Variants in LLGL1 observed in about 807,000 individuals in gnomAD.
LLGL1 encodes LLGL scribble cell polarity complex component 1.
In LLGL1, 58 loss-of-function variants were observed where a neutral mutation model predicts 110.6. The observed-to-expected ratio is 0.52, with a 90% CI of 0.42 to 0.65. LLGL1 has a LOEUF of 0.65. Among genes scored for constraint, LLGL1 ranks in the 30% least tolerant of loss-of-function variants. The pLI is 0.00. For missense variants in LLGL1, 1,229 were observed against 1,462.1 expected, an observed-to-expected ratio of 0.84 and a Z score of 2.60; for synonymous variants, 674 against 607.2, an observed-to-expected ratio of 1.11 and a Z score of -1.62.
At chr17:18,230,826 C>T (rs1173624339) in intron 2 of LLGL1, among the ~76,000 whole-genome samples, 11 of 152,090 alleles carry the variant, frequency 7.2e-5, no homozygotes, top group African/African-American at 2.7e-4. Context: ...GTCTCCTCAC[C>T]CCAGGACTGG....
chr17:18,230,094 C>T (rs996078565), intron 2 of LLGL1, 56 bp downstream of exon 2: 6 of 1,358,268 alleles, frequency 4.4e-6, no homozygotes, highest in African/African-American at 1.4e-5. Context: ...GCCTGTAGTT[C>T]CCTGTGCTCT....
At chr17:18,238,959 C>T (rs547232147) in intron 16 of LLGL1, among the ~76,000 whole-genome samples, 5 of 151,954 alleles carry the variant, frequency 3.3e-5, no homozygotes, top group Non-Finnish European at 5.9e-5. Flanking sequence ...TGCAGTGAGC[C>T]GAGATCGTAC....
rs750530539 is a variant in LLGL1, at chr17:18,234,956, C to T, written c.1023C>T (p.Ile341=). Residue 341 remains isoleucine, a synonymous_variant, in exon 9 of 23, where the codon ATC becomes ATT. Coordinates refer to ENST00000316843, the MANE Select transcript of LLGL1 (RefSeq NM_004140.4). ...LVTLDFTSRI[I]DFFTVHSTRP... ...CGCTGGACTTCACTTCCCGCATCAT[C>T]GACTTCTTCACAGTGCACAGCACAC... is the stretch of plus-strand genomic sequence containing the variant. 14 of 1,613,968 alleles carry T rather than the reference C, an allele frequency of 8.7e-6. No homozygotes were observed. The East Asian group carries it at 2.2e-4, about 26-fold the overall frequency.
chr17:18,236,671 C>T lies in LLGL1; in HGVS notation c.1417C>T (p.Leu473=), dbSNP rs1211271864. ...TGTGGCGCTGCGGCCGCTCTATAAG[C>T]TGAGCACAGCTGGCCTCTTCCAGAC... is the stretch of plus-strand genomic sequence containing the variant. ...SGVALRPLYK[L]STAGLFQTDC... Residue 473 remains leucine (L), a synonymous_variant, in exon 12 of 23, where the codon CTG becomes TTG. Coordinates refer to ENST00000316843, the MANE Select transcript of LLGL1 (RefSeq NM_004140.4). 1 of 1,612,898 alleles carries T rather than the reference C, an allele frequency of 6.2e-7. No individual in the cohort carries two copies. The highest frequency in any genetic ancestry group is 1.3e-5 in the African/African-American group (1 of 75,032).
At position 18,238,881 on chromosome 17, in the gene LLGL1, G is replaced by T. The variant is rs957392018; in HGVS notation, c.2206+272G>T. On this transcript the variant is annotated intron_variant, in intron 16 of 22. Transcript: ENST00000316843. Reference sequence around the variant, plus strand: ...CAAAAATTAGCCAGGTGTGGTGGCGGGCGCCTGTAATCCCAGCTACTTGGG... The same window carrying T: ...CAAAAATTAGCCAGGTGTGGTGGCGTGCGCCTGTAATCCCAGCTACTTGGG... Among the ~76,000 whole-genome samples the T allele has an allele frequency of 2.6e-5, 4 of 152,210 alleles. No homozygotes were observed. The South Asian group carries it at 8.3e-4, about 32-fold the overall frequency.
chr17:18,237,519 G>A lies in LLGL1; in HGVS notation c.1650G>A (p.Gln550=). The A allele has an allele frequency of 1.3e-6, 2 of 1,599,012 alleles. No individual in the cohort carries two copies. The highest frequency in any genetic ancestry group is 1.7e-6 in the Non-Finnish European group (2 of 1,170,532). ...VLELSDVPVE[Q]AVSVAIIDLL... ...AGCTTAGTGATGTGCCGGTGGAGCA[G>A]GCGGTCAGCGTGGCCATCATAGACC... is the stretch of plus-strand genomic sequence containing the variant. Residue 550 remains glutamine, a synonymous_variant, in exon 14 of 23, where the codon CAG becomes CAA. Coordinates refer to ENST00000316843, the MANE Select transcript of LLGL1 (RefSeq NM_004140.4).
chr17:18,237,287 T>C (rs1341255418), intron 13 of LLGL1, 194 bp from the exon 14 acceptor site: 3 of 623,288 alleles, frequency 4.8e-6, no homozygotes, highest in Non-Finnish European at 8.3e-6. Context: ...TGGTCACCAC[T>C]GTGTTCCTTG....
Position 18,242,232 on chromosome 17 carries a change from A to G in LLGL1, c.2949A>G (p.Pro983=), listed in dbSNP as rs1391774198. 1 of 1,614,094 alleles carries G rather than the reference A, an allele frequency of 6.2e-7. No homozygotes were observed. ...GGACCCCAAGCATCCTGCTGGCCCC[A>G]CAGAGCCTTGATGGAAGCCCTGATC... The part of the protein sequence containing the change: ...ANGTPSILLA[P]QSLDGSPDPA... Residue 983 remains proline, a synonymous_variant, in exon 20 of 23, where the codon CCA becomes CCG. Coordinates refer to ENST00000316843, the MANE Select transcript of LLGL1 (RefSeq NM_004140.4).
chr17:18,238,373 T>G (rs1431861618), intron 15 of LLGL1, 83 bp from the exon 16 acceptor site: 7 of 1,567,106 alleles, frequency 4.5e-6, no homozygotes, highest in Non-Finnish European at 6.1e-6. Context: ...GGTAGAGGAA[T>G]GGTAACAGAA....
chr17:18,240,548 A>G lies in LLGL1; in HGVS notation c.2207-30A>G. The stretch of plus-strand genomic sequence containing the variant: ...CAGGGGAGATGCCTGGCCCACAGGG[A>G]GCACCCTCCTACGCGCTTGTTTTCT... On this transcript the variant is annotated intron_variant, in intron 16 of 22. Transcript: ENST00000316843. The surrounding 1 kb of genome is among the most constrained non-coding windows in gnomAD (Gnocchi z 5.3). 1 of 1,553,648 alleles carries G rather than the reference A, an allele frequency of 6.4e-7. No homozygotes were observed. The highest frequency in any genetic ancestry group is 8.7e-7 in the Non-Finnish European group (1 of 1,146,666).
intron 3 of LLGL1, 48 bp downstream of exon 3, chr17:18,232,624 A>C (rs1385882800): frequency 6.2e-7 from 1 of 1,613,442 alleles, no homozygotes; most frequent in Admixed American, 1.7e-5. Flanking sequence ...CCCCATATCT[A>C]CTCATCCCCC....
At chr17:18,230,456 A>G (rs1034654285) in intron 2 of LLGL1, among the ~76,000 whole-genome samples, 2 of 152,136 alleles carry the variant, frequency 1.3e-5, no homozygotes, top group African/African-American at 4.8e-5. Flanking sequence ...ACATGTGTTC[A>G]GCAAAGGGGC....
rs2047944004 is a variant in LLGL1, at chr17:18,244,627, CCAGCCTGTCA to C, written c.*722_*731del. ...TTGGTACCTGCTTCTGGGCCAGTCCCCAGCCTGTCATGAGTGTGTGTGTGCGGGCATGGAT... is the reference window on the plus strand; with the variant it reads ...TTGGTACCTGCTTCTGGGCCAGTCCCTGAGTGTGTGTGTGCGGGCATGGAT... On this transcript the variant is annotated 3_prime_UTR_variant, in exon 23 of 23. Coordinates refer to ENST00000316843, the MANE Select transcript of LLGL1 (RefSeq NM_004140.4). 6.6e-6 allele frequency: 1 copy of C among 152,610 alleles called. No homozygotes were observed. 9.5% of individuals were successfully genotyped at this position (152,610 alleles called of 1,614,324 possible).
rs778319125 is a variant in LLGL1, at chr17:18,237,660, G to A, written c.1791G>A (p.Pro597=). The change falls in exon 14 of 23, where the codon CCG becomes CCA. Residue 597 remains proline (P), a synonymous_variant. Transcript: ENST00000316843. ...FQPRVLVQCL[P]PAAVTAVTLH... The stretch of plus-strand genomic sequence containing the variant: ...CCCGTGTCCTGGTGCAGTGCCTGCC[G>A]CCAGCTGCTGTAACCGCTGTCACAC... 3.7e-6 allele frequency: 6 copies of A among 1,612,202 alleles called. No individual in the cohort carries two copies. Among genetic ancestry groups the A allele is most frequent in the South Asian group, 3.3e-5 (3 of 91,038 alleles).
At chr17:18,227,411 A>G (rs2047470334) in intron 1 of LLGL1, among the ~76,000 whole-genome samples, 1 of 151,388 alleles carries the variant, frequency 6.6e-6, no homozygotes, top group South Asian at 2.1e-4. Context: ...TTTTTTTGAA[A>G]TGGGGTCTCA....
At chr17:18,227,857 G>A (rs1409818528) in intron 1 of LLGL1, among the ~76,000 whole-genome samples, 1 of 152,192 alleles carries the variant, frequency 6.6e-6, no homozygotes, top group Non-Finnish European at 1.5e-5. Context: ...TGGTCTTGGG[G>A]AAGGGACTTA....
chr17:18,239,718 A>G (rs2047781315), intron 16 of LLGL1, among the ~76,000 whole-genome samples: 1 of 151,360 alleles, frequency 6.6e-6, no homozygotes, highest in Admixed American at 6.6e-5. Context: ...CACTGTCTGG[A>G]TGTGGCGGGT....
At position 18,240,588 on chromosome 17, in the gene LLGL1, C is replaced by T. The variant is rs752464459; in HGVS notation, c.2217C>T (p.His739=). ...GCTTGTTTTCTGCAGGGGCCCACCA[C>T]GGGCCCACCATGTGGGCTGGCACCA... ...ADTFLRDGAH[H]GPTMWAGTNS... is the part of the protein sequence containing the mutation. The change falls in exon 17 of 23, where the codon CAC becomes CAT. Residue 739 remains histidine, a synonymous_variant. Coordinates refer to ENST00000316843, the MANE Select transcript of LLGL1 (RefSeq NM_004140.4). The surrounding 1 kb of genome is among the most constrained non-coding windows in gnomAD (Gnocchi z 5.3). 1.8e-4 allele frequency: 295 copies of T among 1,595,036 alleles called. No homozygotes were observed. Among genetic ancestry groups the T allele is most frequent in the Non-Finnish European group, 2.4e-4 (286 of 1,167,494 alleles).
At chr17:18,226,103 G>T (rs1472856688) in intron 1 of LLGL1, among the ~76,000 whole-genome samples, 1 of 152,020 alleles carries the variant, frequency 6.6e-6, no homozygotes, top group Non-Finnish European at 1.5e-5. Context: ...CCGCTGACCG[G>T]CTGTCTCGCC....
Sources: allele counts gnomAD v4.1 joint callset (sites outside exome capture counted in the v4.1 genomes callset), GRCh38; gene constraint gnomAD v4.1.1; non-coding constraint Gnocchi (gnomAD v3.1); transcripts MANE v1.5; gene names NCBI Gene and HGNC (gene_info 2026-07-23, HGNC 2026-07-21).